The following AKR1C1 variants were observed in gnomAD, a reference collection of about 807,000 sequenced individuals.
The protein encoded by AKR1C1 is aldo-keto reductase family 1 member C1.
In AKR1C1, 32 loss-of-function variants were observed where a neutral mutation model predicts 40.6. The observed-to-expected ratio is 0.79, with a 90% CI of 0.60 to 1.06. The LOEUF is 1.06. Among genes scored for constraint, AKR1C1 ranks in the 50% least tolerant of loss-of-function variants. The pLI, the probability that AKR1C1 is intolerant of heterozygous loss-of-function variation, is 0.00. For synonymous variants in AKR1C1, 105 were observed against 134.2 expected, an observed-to-expected ratio of 0.78 and a Z score of 1.50; for missense variants, 320 against 363.5, an observed-to-expected ratio of 0.88 and a Z score of 0.97.
chr10:4,977,646 G>T (rs45589539), intron 8 of AKR1C1, 54 bp from the exon 9 acceptor site: 4 of 1,610,942 alleles, frequency 2.5e-6, no homozygotes, highest in Middle Eastern at 1.7e-4. Context: ...TGCACTACCC[G>T]CTAGTAACGG....
At position 4,967,062 on chromosome 10, in the gene AKR1C1, C is replaced by T. The variant is rs374459494; in HGVS notation, c.369+19C>T. 14 of 1,601,208 alleles carry T rather than the reference C, an allele frequency of 8.7e-6. No homozygotes were observed. The African/African-American group carries it at 1.5e-4, about 17-fold the overall frequency. Reference sequence around the variant, plus strand: ...TGTAAAGGTAGGCAGCTTGTGTGATCAAATTAATTTCACTTTTGTTCTCAG... The same window carrying T: ...TGTAAAGGTAGGCAGCTTGTGTGATTAAATTAATTTCACTTTTGTTCTCAG... On this transcript the variant is annotated intron_variant, in intron 3 of 8. Transcript: ENST00000380872.
Position 4,968,822 on chromosome 10 carries a change from G to C in AKR1C1, c.448G>C (p.Ala150Pro), listed in dbSNP as rs200114994. Residue 150 changes from alanine (A) to proline (P), a missense_variant and splice_region_variant, in exon 5 of 9, where the codon GCC (alanine) becomes CCC (proline). Physicochemically the swap from Ala to Pro is conservative, Grantham distance 27. Around this residue, in one of 3 missense-constraint regions of AKR1C1, gnomAD observed 214 missense variants for 214.8 expected, o/e 1.00. Transcript: ENST00000380872. Reference protein sequence around the residue: ...DTVDLCATWEAVEKCKDAGLA... With the variant: ...DTVDLCATWEPVEKCKDAGLA... ...ACACCTCACAATTCCTTTTTCCCAG[G>C]CCGTGGAGAAGTGTAAAGATGCAGG... is the stretch of plus-strand genomic sequence containing the variant. 188 of 1,613,908 alleles carry C rather than the reference G, an allele frequency of 1.2e-4. No homozygotes were observed. The highest frequency in any genetic ancestry group is 2.0e-4 in the Admixed American group (12 of 59,986).
Position 4,968,841 on chromosome 10 carries a change from A to C in AKR1C1, c.467A>C (p.Asp156Ala), listed in dbSNP as rs1268814179. The change falls in exon 5 of 9, where the codon GAT (aspartate) becomes GCT (alanine). Residue 156 changes from aspartate to alanine, a missense_variant. Coordinates refer to ENST00000380872, the MANE Select transcript of AKR1C1 (RefSeq NM_001353.6). Reference protein sequence around the residue: ...ATWEAVEKCKDAGLAKSIGVS... With the variant: ...ATWEAVEKCKAAGLAKSIGVS... ...TCCCAGGCCGTGGAGAAGTGTAAAG[A>C]TGCAGGATTGGCCAAGTCCATCGGG... 1 of 1,614,150 alleles carries C rather than the reference A, an allele frequency of 6.2e-7. No homozygotes were observed.
intron 7 of AKR1C1, among the ~76,000 whole-genome samples, chr10:4,975,514 C>T (rs1836513642): frequency 6.6e-6 from 1 of 152,152 alleles, no homozygotes; most frequent in South Asian, 2.1e-4. Flanking sequence ...CTAGACATTA[C>T]AAAATTTGCC....
At position 4,968,536 on chromosome 10, in the gene AKR1C1, G is replaced by T. The variant is rs1481637418; in HGVS notation, c.447+150G>T. Reference sequence around the variant, plus strand: ...AGTTTTTGTGAGCAGTGAGGAAAAAGAAATGACAGGCATACAAAAGAGAGA... The same window carrying T: ...AGTTTTTGTGAGCAGTGAGGAAAAATAAATGACAGGCATACAAAAGAGAGA... On this transcript the variant is annotated intron_variant, in intron 4 of 8. Coordinates refer to ENST00000380872, the MANE Select transcript of AKR1C1 (RefSeq NM_001353.6). The T allele has an allele frequency of 1.4e-5, 21 of 1,518,474 alleles. No individual in the cohort carries two copies. The East Asian group carries it at 4.8e-4, about 35-fold the overall frequency. The allele number at this position is 1,518,474 out of a possible 1,614,324, so 94.1% of individuals were successfully genotyped here.
chr10:4,967,360 G>A lies in AKR1C1; in HGVS notation c.369+317G>A, dbSNP rs1244944995. ...GATTTCACCTCTTGGGATGTTCACAGACACAGAGTTTCATGAAGCTGTGGT... is the reference window on the plus strand; with the variant it reads ...GATTTCACCTCTTGGGATGTTCACAAACACAGAGTTTCATGAAGCTGTGGT... On this transcript the variant is annotated intron_variant, in intron 3 of 8. Transcript: ENST00000380872. The A allele has an allele frequency of 3.7e-6, 4 of 1,087,904 alleles. No homozygotes were observed. The African/African-American group carries it at 6.7e-5, about 18-fold the overall frequency. 67.4% of individuals were successfully genotyped at this position (1,087,904 alleles called of 1,614,324 possible).
intron 3 of AKR1C1, chr10:4,967,485 G>A (rs375950441): frequency 0.018 from 17,344 of 986,582 alleles, 170 homozygotes; most frequent in South Asian, 0.039. Context: ...TTAAACTACA[G>A]ACCTTCATGG....
intron 7 of AKR1C1, among the ~76,000 whole-genome samples, chr10:4,973,247 A>C (rs553045159): frequency 6.6e-6 from 1 of 151,820 alleles, no homozygotes; most frequent in Admixed American, 6.6e-5. Context: ...TTAGGATATA[A>C]GACAAACCCA....
intron 5 of AKR1C1, chr10:4,969,780 A>G: frequency 6.3e-7 from 1 of 1,591,428 alleles, no homozygotes; most frequent in South Asian, 1.1e-5. Context: ...CATTAAAGTT[A>G]CTACACTTTT....
chr10:4,971,524 A>ATATAT (rs370996794), intron 5 of AKR1C1, among the ~76,000 whole-genome samples: 725 of 58,104 alleles, frequency 0.012, 5 homozygotes, highest in Admixed American at 0.02. Flanking sequence ...TATATATATA[A>ATATAT]AATATATATG....
chr10:4,968,773 G>T lies in AKR1C1; in HGVS notation c.448-49G>T, dbSNP rs747482713. On this transcript the variant is annotated intron_variant, in intron 4 of 8. Coordinates refer to ENST00000380872, the MANE Select transcript of AKR1C1 (RefSeq NM_001353.6). ...AGACAGTTGTTACTTTCACAGTTCT[G>T]TGTCACATTTATCTTGATCTTCCAC... 2.5e-6 allele frequency: 4 copies of T among 1,613,698 alleles called. No individual in the cohort carries two copies. In the South Asian group the frequency reaches 4.4e-5, roughly 18 times the overall value.
intron 5 of AKR1C1, 131 bp downstream of exon 5, chr10:4,969,075 C>G (rs991610538): frequency 1.9e-6 from 3 of 1,542,618 alleles, no homozygotes; most frequent in Non-Finnish European, 1.7e-6. Context: ...GACTCTGTCT[C>G]GAAGGGCATA....
Position 4,963,470 on chromosome 10 carries a change from A to C in AKR1C1, c.26A>C (p.Lys9Thr). Residue 9 changes from lysine to threonine, a missense_variant, in exon 1 of 9, where the codon AAG (lysine) becomes ACG (threonine). Lys to Thr is a moderately conservative substitution (Grantham distance 78). Coordinates refer to ENST00000380872, the MANE Select transcript of AKR1C1 (RefSeq NM_001353.6). MDSKYQCV[K>T]LNDGHFMPVL... ...ATGGATTCGAAATATCAGTGTGTGA[A>C]GCTGAATGATGGTCACTTCATGCCT... The C allele has an allele frequency of 6.2e-7, 1 of 1,613,998 alleles. No homozygotes were observed. Among genetic ancestry groups the C allele is most frequent in the Non-Finnish European group, 8.5e-7 (1 of 1,179,946 alleles).
chr10:4,973,969 G>A (rs1836483163), intron 7 of AKR1C1, among the ~76,000 whole-genome samples: 1 of 150,960 alleles, frequency 6.6e-6, no homozygotes, highest in Non-Finnish European at 1.5e-5. Context: ...CATATATCAT[G>A]TATATGTATA....
chr10:4,976,450 T>C (rs1231584761), intron 8 of AKR1C1, among the ~76,000 whole-genome samples: 6 of 152,190 alleles, frequency 3.9e-5, no homozygotes, highest in Non-Finnish European at 8.8e-5. Context: ...CAAACCTTTT[T>C]CGTGCCTGTC....
At chr10:4,964,200 T>C (rs1265658272) in intron 1 of AKR1C1, among the ~76,000 whole-genome samples, 2 of 151,890 alleles carry the variant, frequency 1.3e-5, no homozygotes, top group Non-Finnish European at 3.0e-5. Flanking sequence ...GATTTTCTTT[T>C]CTAGACTTAG....
chr10:4,970,944 C>T (rs1466342054), intron 5 of AKR1C1, among the ~76,000 whole-genome samples: 2 of 151,398 alleles, frequency 1.3e-5, no homozygotes, highest in African/African-American at 2.4e-5. Context: ...CATGTACCCT[C>T]GAACTTAAAG....
chr10:4,969,582 A>T, intron 5 of AKR1C1: 3 of 1,434,806 alleles, frequency 2.1e-6, no homozygotes, highest in Non-Finnish European at 2.9e-6. Context: ...CTGACCTATG[A>T]CTGCCCCCGC....
rs1836560401 is a variant in AKR1C1 at position 4,978,379 on chromosome 10, C to A, written c.*637C>A. 6.6e-6 allele frequency: 1 copy of A among 150,770 alleles called. No homozygotes were observed. Among genetic ancestry groups the A allele is most frequent in the South Asian group, 2.1e-4 (1 of 4,740 alleles). 9.3% of individuals were successfully genotyped at this position (150,770 alleles called of 1,614,324 possible). The stretch of plus-strand genomic sequence containing the variant: ...AGGCTAAATAGGACAGAGTCGAGTA[C>A]ATCTCTGCTTGGAAAAACATATCAA... On this transcript the variant is annotated 3_prime_UTR_variant, in exon 9 of 9. Transcript: ENST00000380872.
Sources: allele counts gnomAD v4.1 joint callset (sites outside exome capture counted in the v4.1 genomes callset), GRCh38; gene constraint gnomAD v4.1.1; regional missense constraint gnomAD v4.1.1; transcripts MANE v1.5; gene names NCBI Gene and HGNC (gene_info 2026-07-23, HGNC 2026-07-21).